Variants in SAP130 observed in about 807,000 individuals in gnomAD.
SAP130 encodes the protein Sin3A associated protein 130.
In SAP130, 16 loss-of-function variants were observed where a neutral mutation model predicts 103.2. The ratio of observed to expected loss-of-function variants is 0.16; its 90% CI spans 0.10 to 0.24. The LOEUF (loss-of-function observed/expected upper bound fraction) is 0.24, where lower values mean the gene tolerates loss of function less well. Among genes scored for constraint, SAP130 ranks in the 10% least tolerant of loss-of-function variants. The pLI is 1.00. For missense variants in SAP130, 990 were observed against 1,359.7 expected (o/e 0.73, Z 4.28); for synonymous variants, 477 against 497.0 (o/e 0.96, Z 0.53).
intron 14 of SAP130, among the ~76,000 whole-genome samples, chr2:127,984,226 C>CATAG (rs1238630175): frequency 6.6e-6 from 1 of 152,120 alleles, no homozygotes; most frequent in Non-Finnish European, 1.5e-5. Flanking sequence ...GTTCTTTTTG[C>CATAG]ATAGCACTGT....
At chr2:127,951,945 C>G (rs1212329927) in intron 16 of SAP130, among the ~76,000 whole-genome samples, 1 of 152,142 alleles carries the variant, frequency 6.6e-6, no homozygotes, top group Non-Finnish European at 1.5e-5. Context: ...CAAGTCCCAC[C>G]ACCTTATCTC....
At chr2:128,027,263 C>T in intron 1 of SAP130, 1 of 1,178,024 alleles carries the variant, frequency 8.5e-7, no homozygotes, top group Non-Finnish European at 1.0e-6. Flanking sequence ...CTCACCCCCG[C>T]CACCCGGCCG....
intron 7 of SAP130, among the ~76,000 whole-genome samples, chr2:128,003,949 C>G (rs1461390305): frequency 1.8e-5 from 2 of 112,502 alleles, no homozygotes; most frequent in Non-Finnish European, 3.6e-5. Flanking sequence ...AGTTCTCCCA[C>G]AGATCAGCTT....
Position 127,955,817 on chromosome 2 carries a change from T to C in SAP130, c.2064-473A>G, listed in dbSNP as rs1428371731. Among the ~76,000 whole-genome samples, 2 of 152,212 alleles carry C rather than the reference T, an allele frequency of 1.3e-5. No homozygotes were observed. Among genetic ancestry groups the C allele is most frequent in the Non-Finnish European group, 2.9e-5 (2 of 68,038 alleles). ...TACTCTATTCCTTGACTTTAAAGTT[T>C]AACAAAGCAATTTTAAATGGAAATC... On this transcript the variant is annotated intron_variant, in intron 15 of 20. Coordinates refer to ENST00000643581, the MANE Select transcript of SAP130 (RefSeq NM_001330301.2). The surrounding 1 kb of genome is among the most constrained non-coding windows in gnomAD (Gnocchi z 4.9).
At chr2:128,020,867 T>C (rs1573857321) in intron 2 of SAP130, among the ~76,000 whole-genome samples, 1 of 151,572 alleles carries the variant, frequency 6.6e-6, no homozygotes, top group Non-Finnish European at 1.5e-5. Context: ...ATGATGGCGG[T>C]TGCCTGTAAT....
intron 1 of SAP130, among the ~76,000 whole-genome samples, chr2:128,027,642 C>T (rs1685621638): frequency 6.8e-6 from 1 of 147,778 alleles, no homozygotes; most frequent in Admixed American, 6.7e-5. Flanking sequence ...CGCCCGCCCG[C>T]CCGCGCTCCC....
At chr2:128,020,361 A>G (rs907541970) in intron 2 of SAP130, among the ~76,000 whole-genome samples, 2 of 152,198 alleles carry the variant, frequency 1.3e-5, no homozygotes, top group Non-Finnish European at 2.9e-5. Flanking sequence ...ACCTTGTAAC[A>G]CTATAGATTA....
At chr2:127,971,101 C>T (rs1410979361) in intron 15 of SAP130, among the ~76,000 whole-genome samples, 1 of 151,998 alleles carries the variant, frequency 6.6e-6, no homozygotes, top group Non-Finnish European at 1.5e-5. Flanking sequence ...CAGGCCCATA[C>T]CACCACACCT....
At chr2:127,957,193 T>C (rs1430837943) in intron 15 of SAP130, among the ~76,000 whole-genome samples, 1 of 152,012 alleles carries the variant, frequency 6.6e-6, no homozygotes, top group Non-Finnish European at 1.5e-5. Flanking sequence ...TTCCAGCTAC[T>C]AAGGAGGCTG....
intron 15 of SAP130, among the ~76,000 whole-genome samples, chr2:127,970,826 G>A (rs1387580147): frequency 6.6e-6 from 1 of 152,144 alleles, no homozygotes; most frequent in Non-Finnish European, 1.5e-5. Context: ...GCATTCCGAG[G>A]TACTGGGAGT....
rs535401883 is a variant in SAP130 at position 127,942,711 on chromosome 2, G to C, written c.2902-174C>G. On this transcript the variant is annotated intron_variant, in intron 19 of 20. Coordinates refer to ENST00000643581, the MANE Select transcript of SAP130 (RefSeq NM_001330301.2). The surrounding 1 kb of genome is among the most constrained non-coding windows in gnomAD (Gnocchi z 4.8). Reference sequence around the variant, plus strand: ...AAGGTTTAAAAACAGTAAAGGGGCTGGGCGCGGTGGCTCACGCCTATAATC... The same window carrying C: ...AAGGTTTAAAAACAGTAAAGGGGCTCGGCGCGGTGGCTCACGCCTATAATC... Among the ~76,000 whole-genome samples, 1 of 152,320 alleles carries C rather than the reference G, an allele frequency of 6.6e-6. No homozygotes were observed. Among genetic ancestry groups the C allele is most frequent in the African/African-American group, 2.4e-5 (1 of 41,580 alleles).
At position 127,955,821 on chromosome 2, in the gene SAP130, A is replaced by C. The variant is rs748583395; in HGVS notation, c.2064-477T>G. 3.9e-5 allele frequency among the ~76,000 whole-genome samples: 6 copies of C among 152,198 alleles called. No individual in the cohort carries two copies. The highest frequency in any genetic ancestry group is 8.8e-5 in the Non-Finnish European group (6 of 68,038). On this transcript the variant is annotated intron_variant, in intron 15 of 20. Coordinates refer to ENST00000643581, the MANE Select transcript of SAP130 (RefSeq NM_001330301.2). The surrounding 1 kb of genome is among the most constrained non-coding windows in gnomAD (Gnocchi z 4.9). Reference sequence around the variant, plus strand: ...CTATTCCTTGACTTTAAAGTTTAACAAAGCAATTTTAAATGGAAATCAGGT... The same window carrying C: ...CTATTCCTTGACTTTAAAGTTTAACCAAGCAATTTTAAATGGAAATCAGGT...
chr2:127,950,187 G>A lies in SAP130; in HGVS notation c.2644C>T (p.Arg882Cys), dbSNP rs1159035942. 2.5e-6 allele frequency: 4 copies of A among 1,614,032 alleles called. No homozygotes were observed. The highest frequency in any genetic ancestry group is 2.2e-5 in the East Asian group (1 of 44,898). ...ATATACTCCTTGGGAGGAGACTTGC[G>A]CTTCTCAGCCTTCACCAGAAGACTC... ...AKSLLVKAEK[R>C]KSPPKEYIDE... The change falls in exon 17 of 21, where the codon CGC becomes TGC. Residue 882 changes from arginine to cysteine, a missense_variant. Coordinates refer to ENST00000643581, the MANE Select transcript of SAP130 (RefSeq NM_001330301.2).
Position 128,017,824 on chromosome 2 carries a change from C to T in SAP130, c.204G>A (p.Glu68=), listed in dbSNP as rs1684879612. 1.9e-6 allele frequency: 3 copies of T among 1,614,126 alleles called. No homozygotes were observed. The highest frequency in any genetic ancestry group is 1.7e-5 in the Admixed American group (1 of 60,014). The change falls in exon 3 of 21, where the codon GAG becomes GAA. Residue 68 remains glutamate, a synonymous_variant. Transcript: ENST00000643581. The part of the protein sequence containing the change: ...SSLQSREEKQ[E]PVVVRPYPQV... ...GTGGATAGGGCCTTACCACAACAGG[C>T]TCTTGCTTCTCCTCCCGGGACTGGA...
At chr2:127,960,546 TA>T (rs1284614415) in intron 15 of SAP130, among the ~76,000 whole-genome samples, 1 of 152,208 alleles carries the variant, frequency 6.6e-6, no homozygotes, top group Admixed American at 6.5e-5. Context: ...CTACATAACT[TA>T]AAAAAATTAC....
intron 15 of SAP130, among the ~76,000 whole-genome samples, chr2:127,961,319 TTTAA>T: frequency 6.6e-6 from 1 of 151,328 alleles, no homozygotes; most frequent in South Asian, 2.1e-4. Flanking sequence ...TTTTTTTTTT[TTTAA>T]TTTTAGTAGA....
intron 18 of SAP130, 80 bp downstream of exon 18, chr2:127,949,789 G>T: frequency 7.0e-7 from 1 of 1,432,046 alleles, no homozygotes; most frequent in Non-Finnish European, 9.6e-7. Context: ...GGAAAATTGT[G>T]GTTCTGTTTT....
At position 127,960,301 on chromosome 2, in the gene SAP130, G is replaced by A. The variant is rs146582910; in HGVS notation, c.2064-4957C>T. Among the ~76,000 whole-genome samples the A allele has an allele frequency of 3.3e-4, 51 of 152,256 alleles. 1 individual carries two copies. In the South Asian group the frequency reaches 6.4e-3, roughly 19 times the overall value. On this transcript the variant is annotated intron_variant, in intron 15 of 20. Coordinates refer to ENST00000643581, the MANE Select transcript of SAP130 (RefSeq NM_001330301.2). ...AGGTGAAGGGAATTCAGAGCCTGGC[G>A]GAGAAAGGAGGCACCAGGAACAACA...
chr2:128,024,149 T>C (rs1290914898), intron 2 of SAP130, among the ~76,000 whole-genome samples: 1 of 152,082 alleles, frequency 6.6e-6, no homozygotes, highest in Non-Finnish European at 1.5e-5. Context: ...TAAAGTCACT[T>C]CAAGTCTAAA....
Sources: allele counts gnomAD v4.1 joint callset (sites outside exome capture counted in the v4.1 genomes callset), GRCh38; gene constraint gnomAD v4.1.1; non-coding constraint Gnocchi (gnomAD v3.1); transcripts MANE v1.5; gene names NCBI Gene and HGNC (gene_info 2026-07-23, HGNC 2026-07-21).